Variants in XNDC1N observed in about 807,000 individuals in gnomAD.
The protein encoded by XNDC1N is protein XNDC1N.
the XNDC1N span, among the ~76,000 whole-genome samples, chr11:71,911,780 T>A: frequency 6.6e-6 from 1 of 152,226 alleles, no homozygotes; most frequent in Non-Finnish European, 1.5e-5. Flanking sequence ...GTGGCAGTTA[T>A]GCATTGCAGG....
the XNDC1N span, among the ~76,000 whole-genome samples, chr11:71,875,638 A>G: frequency 6.6e-6 from 1 of 152,194 alleles, no homozygotes; most frequent in African/African-American, 2.4e-5. Flanking sequence ...TAAAAAAAAA[A>G]CTAAATACAG....
the XNDC1N span, among the ~76,000 whole-genome samples, chr11:71,870,255 C>T: frequency 6.6e-6 from 1 of 152,226 alleles, no homozygotes; most frequent in South Asian, 2.1e-4. Context: ...GGTTTTTGCT[C>T]TTATATTCTT....
At chr11:71,924,327 C>T in the XNDC1N span, among the ~76,000 whole-genome samples, 1 of 151,932 alleles carries the variant, frequency 6.6e-6, no homozygotes, top group South Asian at 2.1e-4. Context: ...TGCAGTGAGC[C>T]ATGACGGTGC....
the XNDC1N span, among the ~76,000 whole-genome samples, chr11:71,869,827 GC>G: frequency 6.6e-6 from 1 of 152,156 alleles, no homozygotes; most frequent in Non-Finnish European, 1.5e-5. Flanking sequence ...TTTTTGAGTT[GC>G]CAGAGTTCTT....
the XNDC1N span, among the ~76,000 whole-genome samples, chr11:71,891,841 T>C: frequency 6.6e-6 from 1 of 151,882 alleles, no homozygotes; most frequent in Non-Finnish European, 1.5e-5. Context: ...GGAGTCATGG[T>C]TACTCTTTCA....
chr11:71,922,146 C>T, the XNDC1N span, among the ~76,000 whole-genome samples: 6 of 152,182 alleles, frequency 3.9e-5, no homozygotes, highest in East Asian at 9.6e-4. Context: ...GGCAACAAAG[C>T]GAGACTCCGT....
the XNDC1N span, among the ~76,000 whole-genome samples, chr11:71,910,625 G>T: frequency 6.6e-6 from 1 of 152,176 alleles, no homozygotes; most frequent in Non-Finnish European, 1.5e-5. Context: ...AGGACTGTGG[G>T]TAGAAGGTGT....
At chr11:71,895,963 T>G in the XNDC1N span, among the ~76,000 whole-genome samples, 11 of 152,178 alleles carry the variant, frequency 7.2e-5, no homozygotes, top group African/African-American at 2.2e-4. Flanking sequence ...TTTCATGTCC[T>G]CACTTCTATG....
the XNDC1N span, chr11:71,917,126 G>A: frequency 3.8e-4 from 119 of 310,650 alleles, 3 homozygotes; most frequent in East Asian, 6.5e-3. Flanking sequence ...CAATTCTGCC[G>A]CCTCAGCCTC....
the XNDC1N span, among the ~76,000 whole-genome samples, chr11:71,880,963 TGAG>T: frequency 3.3e-5 from 5 of 152,254 alleles, no homozygotes; most frequent in Non-Finnish European, 5.9e-5. Context: ...TTCTGTGTGA[TGAG>T]GAGAAGAATG....
At chr11:71,895,333 G>C in the XNDC1N span, among the ~76,000 whole-genome samples, 2 of 151,678 alleles carry the variant, frequency 1.3e-5, no homozygotes, top group African/African-American at 4.8e-5. Flanking sequence ...TTTTGAGTCA[G>C]AGTTTCACTC....
At chr11:71,870,428 G>A in the XNDC1N span, among the ~76,000 whole-genome samples, 1 of 152,302 alleles carries the variant, frequency 6.6e-6, no homozygotes, top group Non-Finnish European at 1.5e-5. Flanking sequence ...CTTGTCCCTT[G>A]AGGTGAGAAA....
At chr11:71,904,138 A>C in the XNDC1N span, 1 of 478,528 alleles carries the variant, frequency 2.1e-6, no homozygotes, top group Non-Finnish European at 4.2e-6. Flanking sequence ...ATATCTTCTT[A>C]TCTGTTCCAT....
chr11:71,900,865 T>C, the XNDC1N span, among the ~76,000 whole-genome samples: 1 of 151,344 alleles, frequency 6.6e-6, no homozygotes, highest in South Asian at 2.1e-4. Context: ...GAACTCGTAC[T>C]AGATCATGAG....
At chr11:71,909,188 T>C in the XNDC1N span, among the ~76,000 whole-genome samples, 1 of 152,120 alleles carries the variant, frequency 6.6e-6, no homozygotes, top group Non-Finnish European at 1.5e-5. Context: ...CAGGGATGAA[T>C]CCATCCCAAT....
the XNDC1N span, chr11:71,914,441 C>G: frequency 8.8e-6 from 4 of 452,304 alleles, no homozygotes; most frequent in South Asian, 6.2e-5. Flanking sequence ...AATCCCAGAA[C>G]TTTGGATGGC....
At chr11:71,910,388 G>T in the XNDC1N span, among the ~76,000 whole-genome samples, 1 of 152,178 alleles carries the variant, frequency 6.6e-6, no homozygotes, top group African/African-American at 2.4e-5. Context: ...CCTTTCAGTG[G>T]GAAGATCCGG....
chr11:71,908,349 T>G, the XNDC1N span, among the ~76,000 whole-genome samples: 1 of 151,824 alleles, frequency 6.6e-6, no homozygotes, highest in African/African-American at 2.4e-5. Context: ...TGTATTGTTA[T>G]CTTTAGTATA....
At chr11:71,908,057 A>G in the XNDC1N span, among the ~76,000 whole-genome samples, 1 of 152,204 alleles carries the variant, frequency 6.6e-6, no homozygotes, top group Admixed American at 6.5e-5. Flanking sequence ...TATAGAACGT[A>G]ATATCATGCT....
Sources: allele counts gnomAD v4.1 joint callset (sites outside exome capture counted in the v4.1 genomes callset), GRCh38; gene constraint gnomAD v4.1.1; transcripts MANE v1.5; gene names NCBI Gene and HGNC (gene_info 2026-07-23, HGNC 2026-07-21).